The following MAD1L1 variants were observed in gnomAD, a reference collection of about 807,000 sequenced individuals.
The protein encoded by MAD1L1 is mitotic spindle assembly checkpoint protein MAD1.
MAD1L1 carries 95 observed loss-of-function variants against 96.9 expected under a neutral mutation model. The observed-to-expected ratio is 0.98, with a 90% confidence interval of 0.83 to 1.16. The LOEUF (loss-of-function observed/expected upper bound fraction) is 1.16. Ranked by LOEUF, MAD1L1 falls within the 50% of genes most tolerant of loss-of-function variation. The probability of loss-of-function intolerance (pLI) is 0.00; values close to 1 mark genes in which losing one functional copy is unlikely to be tolerated. For synonymous variants in MAD1L1, 473 were observed against 396.6 expected, an observed-to-expected ratio of 1.19 and a Z score of -2.29; for missense variants, 1,007 against 954.4, an observed-to-expected ratio of 1.06 and a Z score of -0.73.
At chr7:2,038,777 A>G (rs1783554458) in intron 12 of MAD1L1, among the ~76,000 whole-genome samples, 1 of 152,052 alleles carries the variant, frequency 6.6e-6, no homozygotes, top group African/African-American at 2.4e-5. Context: ...TCGACCTCTC[A>G]AAGTGCTGGG....
chr7:1,888,254 G>A, intron 18 of MAD1L1, among the ~76,000 whole-genome samples: 1 of 131,266 alleles, frequency 7.6e-6, no homozygotes, highest in South Asian at 2.5e-4. Context: ...CTATGCATCT[G>A]TATGCATGGG....
intron 12 of MAD1L1, among the ~76,000 whole-genome samples, chr7:2,034,769 G>T (rs139713215): frequency 6.6e-6 from 1 of 152,332 alleles, no homozygotes; most frequent in East Asian, 1.9e-4. Flanking sequence ...GGGGAGGAAA[G>T]GAGAGAAGGG....
chr7:1,873,870 G>A (rs906026884), intron 18 of MAD1L1, among the ~76,000 whole-genome samples: 15 of 152,184 alleles, frequency 9.9e-5, no homozygotes, highest in African/African-American at 2.9e-4. Flanking sequence ...ACTGCTCCCC[G>A]TGGCTGAACG....
At chr7:1,910,705 G>T (rs558957584) in intron 17 of MAD1L1, among the ~76,000 whole-genome samples, 1 of 152,328 alleles carries the variant, frequency 6.6e-6, no homozygotes, top group East Asian at 1.9e-4. Flanking sequence ...GAACACGTTC[G>T]TCAGGTGAGA....
chr7:1,874,236 C>G (rs1217890458), intron 18 of MAD1L1, among the ~76,000 whole-genome samples: 2 of 152,188 alleles, frequency 1.3e-5, no homozygotes, highest in African/African-American at 4.8e-5. Flanking sequence ...CGGGGTCTCC[C>G]ACCAGCGCAT....
chr7:1,998,011 G>T (rs1781634019), intron 14 of MAD1L1, among the ~76,000 whole-genome samples: 1 of 152,104 alleles, frequency 6.6e-6, no homozygotes. Flanking sequence ...TGCAGCTTGG[G>T]GCCCAGGCAT....
rs138341798 is a variant in MAD1L1 at position 1,949,347 on chromosome 7, C to G, written c.1596+8282G>C. 1.9e-3 allele frequency among the ~76,000 whole-genome samples: 290 copies of G among 152,340 alleles called. 2 individuals carry two copies. The highest frequency in any genetic ancestry group is 6.5e-3 in the African/African-American group (272 of 41,584). On this transcript the variant is annotated intron_variant, in intron 16 of 18. Transcript: ENST00000265854. The stretch of plus-strand genomic sequence containing the variant: ...GCACGCAAGCATCGCCCGGGGGGAC[C>G]CGCGCAGTGAAACCAAAGACGTGGA...
At chr7:2,132,186 T>G (rs1317946376) in intron 11 of MAD1L1, among the ~76,000 whole-genome samples, 1 of 152,140 alleles carries the variant, frequency 6.6e-6, no homozygotes, top group Non-Finnish European at 1.5e-5. Flanking sequence ...AATTATAGGT[T>G]TACAGGAAAA....
chr7:2,170,189 C>A (rs950930656), intron 10 of MAD1L1, among the ~76,000 whole-genome samples: 1 of 152,194 alleles, frequency 6.6e-6, no homozygotes, highest in Non-Finnish European at 1.5e-5. Flanking sequence ...GCAGCTCGTC[C>A]TAGCCAGAGA....
chr7:2,079,447 G>A (rs1325506481), intron 11 of MAD1L1, among the ~76,000 whole-genome samples: 1 of 152,218 alleles, frequency 6.6e-6, no homozygotes, highest in Non-Finnish European at 1.5e-5. Context: ...GGAACGGCCA[G>A]GGGAGCAGGC....
chr7:1,846,890 C>A, intron 18 of MAD1L1: 1 of 274,168 alleles, frequency 3.6e-6, no homozygotes, highest in Non-Finnish European at 7.1e-6. Flanking sequence ...CTGTATGAAG[C>A]TGCTGTTTGC....
At chr7:1,948,612 G>C (rs1779342101) in intron 16 of MAD1L1, among the ~76,000 whole-genome samples, 1 of 152,182 alleles carries the variant, frequency 6.6e-6, no homozygotes, top group South Asian at 2.1e-4. Flanking sequence ...TGCCTGTCCT[G>C]GTTCCAGCAA....
chr7:1,884,065 G>A (rs909869676), intron 18 of MAD1L1, among the ~76,000 whole-genome samples: 1 of 80,670 alleles, frequency 1.2e-5, no homozygotes, highest in African/African-American at 7.3e-5. Flanking sequence ...AGAGCGAGCA[G>A]CTCATTCGAG....
At position 2,198,659 on chromosome 7, in the gene MAD1L1, G is replaced by A. The variant is rs148126002; in HGVS notation, c.986+14553C>T. Reference sequence around the variant, plus strand: ...CTCTCCAGGCTGCAGGCCAACAGGCGTCCATGAGACAGACACTCCCTGATG... The same window carrying A: ...CTCTCCAGGCTGCAGGCCAACAGGCATCCATGAGACAGACACTCCCTGATG... On this transcript the variant is annotated intron_variant, in intron 10 of 18. Coordinates refer to ENST00000265854, the MANE Select transcript of MAD1L1 (RefSeq NM_001013836.2). Among the ~76,000 whole-genome samples the A allele has an allele frequency of 3.4e-4, 52 of 152,330 alleles. No homozygotes were observed. The Middle Eastern group carries it at 0.014, about 40-fold the overall frequency.
At chr7:1,994,975 C>T (rs1329564857) in intron 14 of MAD1L1, among the ~76,000 whole-genome samples, 2 of 152,230 alleles carry the variant, frequency 1.3e-5, no homozygotes, top group Admixed American at 6.5e-5. Context: ...CCACCACGCC[C>T]GGCCAACATC....
intron 11 of MAD1L1, among the ~76,000 whole-genome samples, chr7:2,143,388 C>T (rs909167991): frequency 4.0e-5 from 6 of 150,950 alleles, no homozygotes; most frequent in African/African-American, 1.5e-4. Context: ...TGCCAGGTGA[C>T]AAGGCCTTGT....
intron 10 of MAD1L1, among the ~76,000 whole-genome samples, chr7:2,196,905 T>A (rs1334310191): frequency 2.0e-5 from 3 of 152,192 alleles, no homozygotes; most frequent in Non-Finnish European, 4.4e-5. Context: ...ACTTCGGGGC[T>A]GCTGAAACCT....
At chr7:1,996,724 C>A (rs1584028403) in intron 14 of MAD1L1, among the ~76,000 whole-genome samples, 1 of 152,310 alleles carries the variant, frequency 6.6e-6, no homozygotes, top group East Asian at 1.9e-4. Context: ...AAGGAGCAGG[C>A]ACAGAGGGGC....
chr7:1,829,950 C>T (rs1319988988), intron 18 of MAD1L1, among the ~76,000 whole-genome samples: 4 of 152,184 alleles, frequency 2.6e-5, no homozygotes, highest in South Asian at 4.1e-4. Context: ...AAGACAAAGC[C>T]CAGAATTCTC....
Sources: gnomAD v4.1 joint callset for allele counts (sites outside exome capture counted in the v4.1 genomes callset) on GRCh38, gnomAD v4.1.1 for gene constraint, MANE v1.5 for transcripts, NCBI Gene and HGNC (gene_info 2026-07-23, HGNC 2026-07-21) for gene names.